XKR3: variants seen among roughly 807,000 people sequenced by gnomAD.
XKR3 encodes XK related 3, also known as XK-related protein 3.
Under a neutral mutation model 40.3 loss-of-function variants are expected in XKR3, and 27 were observed. The ratio of observed to expected loss-of-function variants is 0.67; its 90% CI spans 0.49 to 0.92. The LOEUF is 0.92. XKR3 is among the 40% of genes least tolerant of loss of function. The probability of loss-of-function intolerance (pLI) is 0.00; values close to 1 mark genes in which losing one functional copy is unlikely to be tolerated. For synonymous variants in XKR3, 193 were observed against 195.4 expected, an observed-to-expected ratio of 0.99 and a Z score of 0.10; for missense variants, 472 against 537.6, an observed-to-expected ratio of 0.88 and a Z score of 1.21.
intron 3 of XKR3, among the ~76,000 whole-genome samples, chr22:16,793,578 A>C (rs1490200699): frequency 6.6e-6 from 1 of 152,170 alleles, no homozygotes; most frequent in African/African-American, 2.4e-5. Flanking sequence ...GTGACCATAA[A>C]ACAGACCACC....
intron 3 of XKR3, among the ~76,000 whole-genome samples, chr22:16,790,342 GAAA>G (rs35876120): frequency 4.5e-4 from 56 of 124,528 alleles, no homozygotes; most frequent in African/African-American, 1.4e-3. Context: ...CTTCCACGCA[GAAA>G]AAAAAAAAAA....
At chr22:16,785,073 T>G (rs2060084081) in intron 3 of XKR3, among the ~76,000 whole-genome samples, 1 of 152,204 alleles carries the variant, frequency 6.6e-6, no homozygotes, top group Non-Finnish European at 1.5e-5. Context: ...ATCCCAGCAC[T>G]TTAGGAGGCC....
At chr22:16,788,765 T>C (rs1275889396) in intron 3 of XKR3, among the ~76,000 whole-genome samples, 1 of 152,144 alleles carries the variant, frequency 6.6e-6, no homozygotes, top group Non-Finnish European at 1.5e-5. Flanking sequence ...AACTGAGTTA[T>C]AATGCACATT....
intron 1 of XKR3, among the ~76,000 whole-genome samples, chr22:16,814,174 T>C (rs1189525219): frequency 6.6e-6 from 1 of 152,216 alleles, no homozygotes; most frequent in Non-Finnish European, 1.5e-5. Context: ...GTTCAGCTCC[T>C]GAATTTAGGT....
chr22:16,820,184 C>T lies in XKR3; in HGVS notation c.-11+5107G>A, dbSNP rs180695637. Among the ~76,000 whole-genome samples, 22 of 152,184 alleles carry T rather than the reference C, an allele frequency of 1.4e-4. No homozygotes were observed. In the East Asian group the frequency reaches 2.1e-3, roughly 15 times the overall value. On this transcript the variant is annotated intron_variant, in intron 1 of 3. Coordinates refer to ENST00000684488, the MANE Select transcript of XKR3 (RefSeq NM_001386955.1). ...GTTATCCTACAGAAAATAAAACTTA[C>T]GCAAAAAAACTGTACATGAAGGTAT...
At chr22:16,809,869 C>T (rs569207214) in intron 1 of XKR3, among the ~76,000 whole-genome samples, 4 of 152,242 alleles carry the variant, frequency 2.6e-5, no homozygotes, top group African/African-American at 9.6e-5. Context: ...AGCGATCTTT[C>T]CACTTCCACC....
At chr22:16,821,087 G>C (rs1359989470) in intron 1 of XKR3, among the ~76,000 whole-genome samples, 1 of 152,102 alleles carries the variant, frequency 6.6e-6, no homozygotes, top group Non-Finnish European at 1.5e-5. Flanking sequence ...CTTCAACTCT[G>C]ATGTTATCTG....
At chr22:16,790,606 G>A (rs2060111515) in intron 3 of XKR3, among the ~76,000 whole-genome samples, 1 of 151,994 alleles carries the variant, frequency 6.6e-6, no homozygotes, top group Non-Finnish European at 1.5e-5. Flanking sequence ...ATGGACACTA[G>A]GCTTAATACC....
At chr22:16,786,419 C>T (rs1601838329) in intron 3 of XKR3, among the ~76,000 whole-genome samples, 3 of 152,164 alleles carry the variant, frequency 2.0e-5, no homozygotes, top group South Asian at 2.1e-4. Context: ...CACCCCAGCA[C>T]TTTGGGAGGA....
chr22:16,791,778 GGAGAGAGAGAGAGAGA>G (rs763159994), intron 3 of XKR3, among the ~76,000 whole-genome samples: 24 of 123,238 alleles, frequency 1.9e-4, no homozygotes, highest in Middle Eastern at 4.4e-3. Context: ...GGAGAGAGAG[GGAGAGAGAGAGAGAGA>G]GAGAGAGAGA....
intron 1 of XKR3, among the ~76,000 whole-genome samples, chr22:16,810,944 C>A (rs1330416690): frequency 6.6e-6 from 1 of 152,128 alleles, no homozygotes; most frequent in South Asian, 2.1e-4. Flanking sequence ...CATGAACCCA[C>A]GAGCCTTATG....
At chr22:16,815,300 A>G (rs2060228532) in intron 1 of XKR3, among the ~76,000 whole-genome samples, 1 of 152,086 alleles carries the variant, frequency 6.6e-6, no homozygotes, top group African/African-American at 2.4e-5. Flanking sequence ...GATAAATCCT[A>G]CTTGGTTATG....
At chr22:16,786,290 C>G (rs1358358592) in intron 3 of XKR3, among the ~76,000 whole-genome samples, 1 of 79,796 alleles carries the variant, frequency 1.3e-5, no homozygotes, top group African/African-American at 4.3e-5. Context: ...ACAAATTTAG[C>G]CAGGCATGGT....
At position 16,808,017 on chromosome 22, in the gene XKR3, C is replaced by T. The variant is rs267606171; in HGVS notation, c.57G>A (p.Ser19=). 9 of 1,613,320 alleles carry T rather than the reference C, an allele frequency of 5.6e-6. No individual in the cohort carries two copies. Among genetic ancestry groups the T allele is most frequent in the Middle Eastern group, 3.3e-4 (2 of 6,044 alleles). ...DEESTGGVSS[S]KEEIVLGQRL... Reference sequence around the variant, plus strand: ...TCTGGCCAAGGACTATTTCTTCTTTCGAAGATGAAACTCCTCCTGTGCTTT... The same window carrying T: ...TCTGGCCAAGGACTATTTCTTCTTTTGAAGATGAAACTCCTCCTGTGCTTT... Residue 19 remains serine (S), a synonymous_variant, in exon 2 of 4, where the codon TCG becomes TCA. Coordinates refer to ENST00000684488, the MANE Select transcript of XKR3 (RefSeq NM_001386955.1).
At chr22:16,797,340 A>T (rs1330849748) in intron 3 of XKR3, among the ~76,000 whole-genome samples, 1 of 152,204 alleles carries the variant, frequency 6.6e-6, no homozygotes, top group Non-Finnish European at 1.5e-5. Flanking sequence ...ATTAAACTAA[A>T]GGTTTTCCGC....
chr22:16,823,887 C>A (rs771856537), intron 1 of XKR3, among the ~76,000 whole-genome samples: 47 of 151,554 alleles, frequency 3.1e-4, no homozygotes, highest in Non-Finnish European at 5.4e-4. Flanking sequence ...CTTGATGTAA[C>A]AACAGGTCCA....
At chr22:16,790,469 C>T (rs1210104536) in intron 3 of XKR3, among the ~76,000 whole-genome samples, 2 of 152,026 alleles carry the variant, frequency 1.3e-5, no homozygotes, top group South Asian at 4.1e-4. Context: ...ACAAATACCA[C>T]GTGTTCTCAC....
chr22:16,788,074 A>G (rs1249007536), intron 3 of XKR3, among the ~76,000 whole-genome samples: 1 of 152,206 alleles, frequency 6.6e-6, no homozygotes, highest in Non-Finnish European at 1.5e-5. Context: ...TGGATATATC[A>G]TACATTAGGC....
chr22:16,787,800 TC>T (rs1284354960), intron 3 of XKR3, among the ~76,000 whole-genome samples: 4 of 151,620 alleles, frequency 2.6e-5, no homozygotes, highest in South Asian at 4.2e-4. Context: ...AAAGAAAATA[TC>T]ATATCAGGAA....
Sources: allele counts gnomAD v4.1 joint callset (sites outside exome capture counted in the v4.1 genomes callset), GRCh38; gene constraint gnomAD v4.1.1; transcripts MANE v1.5; gene names NCBI Gene and HGNC (gene_info 2026-07-23, HGNC 2026-07-21).